Variants in ITGA9 observed in about 807,000 individuals in gnomAD.
ITGA9 encodes the protein integrin subunit alpha 9.
A neutral mutation model predicts 127.8 loss-of-function variants in ITGA9; 56 were observed. That is an observed-to-expected ratio of 0.44 (90% confidence interval 0.35 to 0.55). The LOEUF (loss-of-function observed/expected upper bound fraction) is 0.55, where lower values mean the gene tolerates loss of function less well. Among genes scored for constraint, ITGA9 ranks in the 20% least tolerant of loss-of-function variants. The pLI is 0.00. For synonymous variants in ITGA9, 508 were observed against 514.5 expected, an observed-to-expected ratio of 0.99 and a Z score of 0.17; for missense variants, 1,196 against 1,347.1, an observed-to-expected ratio of 0.89 and a Z score of 1.76.
At chr3:37,589,066 T>C (rs1699787685) in intron 15 of ITGA9, among the ~76,000 whole-genome samples, 1 of 152,234 alleles carries the variant, frequency 6.6e-6, no homozygotes. Context: ...CTTGGTGATT[T>C]TTGTTCAACT....
intron 18 of ITGA9, among the ~76,000 whole-genome samples, chr3:37,686,726 G>C (rs1272720677): frequency 6.6e-6 from 1 of 152,202 alleles, no homozygotes; most frequent in Non-Finnish European, 1.5e-5. Context: ...GAGCAGGGAG[G>C]TATCTTGTAG....
intron 15 of ITGA9, among the ~76,000 whole-genome samples, chr3:37,569,736 T>G (rs1326600244): frequency 1.3e-5 from 2 of 152,234 alleles, no homozygotes; most frequent in African/African-American, 4.8e-5. Flanking sequence ...GAGTCACAGT[T>G]AAAACTTTTA....
At chr3:37,522,165 T>C (rs1699050646) in intron 11 of ITGA9, among the ~76,000 whole-genome samples, 2 of 152,022 alleles carry the variant, frequency 1.3e-5, no homozygotes, top group African/African-American at 2.4e-5. Context: ...CCTGGTTCTA[T>C]TGTACTTTGA....
intron 15 of ITGA9, among the ~76,000 whole-genome samples, chr3:37,551,255 G>A (rs11922780): frequency 0.18 from 27,474 of 151,874 alleles, 3,465 homozygotes; most frequent in African/African-American, 0.36. Flanking sequence ...CCCTCATTCC[G>A]TGCACATTTG....
chr3:37,538,503 TCAGAACTAGCAGCCTCCCAGGGA>T (rs1189523803), intron 14 of ITGA9, among the ~76,000 whole-genome samples: 6 of 152,122 alleles, frequency 3.9e-5, no homozygotes, highest in Non-Finnish European at 8.8e-5. Flanking sequence ...CAGGCCCTAA[TCAGAACTAGCAGCCTCCCAGGGA>T]CAGACAGGGG....
At position 37,465,651 on chromosome 3, in the gene ITGA9, C is replaced by T. The variant is rs138659401; in HGVS notation, c.186-5356C>T. Among the ~76,000 whole-genome samples the T allele has an allele frequency of 4.7e-4, 72 of 152,330 alleles. 1 individual carries two copies. Among genetic ancestry groups the T allele is most frequent in the African/African-American group, 1.6e-3 (67 of 41,574 alleles). ...CTGGTTAACACCATGACAGCAGTGT[C>T]AATGCTTTGGAAAAGCAAGGTGATT... On this transcript the variant is annotated intron_variant, in intron 1 of 27. Transcript: ENST00000264741.
chr3:37,513,827 T>C lies in ITGA9; in HGVS notation c.962T>C (p.Leu321Pro), dbSNP rs763011295. 1 of 1,613,940 alleles carries C rather than the reference T, an allele frequency of 6.2e-7. No individual in the cohort carries two copies. The highest frequency in any genetic ancestry group is 2.2e-5 in the East Asian group (1 of 44,876). ...VDLNGDGLSD[L>P]LVGAPMFSEI... Reference sequence around the variant, plus strand: ...CTGAATGGGGACGGCCTCTCTGACCTGCTGGTGGGGGCCCCCATGTTTTCT... The same window carrying C: ...CTGAATGGGGACGGCCTCTCTGACCCGCTGGTGGGGGCCCCCATGTTTTCT... Residue 321 changes from leucine (L) to proline (P), a missense_variant, in exon 9 of 28, where the codon CTG (leucine) becomes CCG (proline). Leu to Pro is a moderately conservative substitution (Grantham distance 98, BLOSUM62 -3). Transcript: ENST00000264741.
At chr3:37,656,211 T>G (rs1700476343) in intron 17 of ITGA9, among the ~76,000 whole-genome samples, 1 of 152,194 alleles carries the variant, frequency 6.6e-6, no homozygotes, top group Non-Finnish European at 1.5e-5. Context: ...TTAAAGTAGT[T>G]TTTTCTAATT....
intron 14 of ITGA9, among the ~76,000 whole-genome samples, chr3:37,534,068 G>T (rs1699184852): frequency 6.6e-6 from 1 of 152,180 alleles, no homozygotes; most frequent in South Asian, 2.1e-4. Context: ...AAATCAACTT[G>T]CTAGCCCAGC....
chr3:37,681,382 T>C (rs567756053), intron 17 of ITGA9, among the ~76,000 whole-genome samples: 1 of 152,192 alleles, frequency 6.6e-6, no homozygotes, highest in Admixed American at 6.5e-5. Flanking sequence ...TGTGCAACCC[T>C]CAAAATTTGT....
At chr3:37,654,228 A>ACACACACACT (rs1211809525) in intron 17 of ITGA9, among the ~76,000 whole-genome samples, 29 of 148,548 alleles carry the variant, frequency 2.0e-4, no homozygotes, top group African/African-American at 5.4e-4. Flanking sequence ...ACACACACAC[A>ACACACACACT]CACTAGTGTA....
At chr3:37,800,109 C>T (rs1158843861) in intron 26 of ITGA9, among the ~76,000 whole-genome samples, 4 of 152,194 alleles carry the variant, frequency 2.6e-5, no homozygotes, top group African/African-American at 9.7e-5. Flanking sequence ...GGGGAAGTGA[C>T]AGGGCATTCT....
rs143763909 is a variant in ITGA9, at chr3:37,755,998, A to G, written c.2541+5429A>G. 2.7e-3 allele frequency among the ~76,000 whole-genome samples: 412 copies of G among 152,284 alleles called. 3 individuals are homozygous for G. The highest frequency in any genetic ancestry group is 9.3e-3 in the African/African-American group (388 of 41,584). ...AATTTATGAAGAAAAAAATAAATGT[A>G]TAATAAGATGGAAGTAATAAACCTA... On this transcript the variant is annotated intron_variant, in intron 23 of 27. Coordinates refer to ENST00000264741, the MANE Select transcript of ITGA9 (RefSeq NM_002207.3).
At position 37,473,452 on chromosome 3, in the gene ITGA9, C is replaced by T. The variant is rs772274726; in HGVS notation, c.412C>T (p.Arg138Cys). The change falls in exon 3 of 28, where the codon CGT (arginine) becomes TGT (cysteine). Residue 138 changes from arginine to cysteine, a missense_variant. Transcript: ENST00000264741. ...SLARQPKADG[R>C]VLACAHRWKN... ...GGCCCGACAGCCCAAGGCTGATGGC[C>T]GTGTGTTGGTAAGTCCCTCCTGGGG... The T allele has an allele frequency of 3.0e-5, 49 of 1,612,836 alleles. No individual in the cohort carries two copies. The highest frequency in any genetic ancestry group is 1.2e-4 in the South Asian group (11 of 90,998).
chr3:37,722,273 C>G (rs908580696), intron 18 of ITGA9, among the ~76,000 whole-genome samples: 5 of 152,212 alleles, frequency 3.3e-5, no homozygotes, highest in African/African-American at 1.2e-4. Flanking sequence ...TTCAGAATGC[C>G]TCTCACAGGC....
intron 3 of ITGA9, among the ~76,000 whole-genome samples, chr3:37,479,718 A>G (rs891099946): frequency 1.3e-5 from 2 of 152,212 alleles, no homozygotes; most frequent in Non-Finnish European, 2.9e-5. Context: ...TCAGGTAGGA[A>G]TGAGAAGTTT....
chr3:37,731,990 G>A (rs532853117), intron 18 of ITGA9, among the ~76,000 whole-genome samples: 2 of 152,310 alleles, frequency 1.3e-5, no homozygotes, highest in South Asian at 2.1e-4. Context: ...TAAACATACT[G>A]TTTCCGCTTG....
intron 27 of ITGA9, chr3:37,808,153 C>T (rs1697321265): frequency 6.6e-6 from 1 of 152,178 alleles, no homozygotes; most frequent in Non-Finnish European, 1.5e-5. Flanking sequence ...CCCTACACAT[C>T]GTAGGGAGAT....
intron 18 of ITGA9, among the ~76,000 whole-genome samples, chr3:37,696,489 A>G (rs1476478953): frequency 6.6e-6 from 1 of 152,230 alleles, no homozygotes; most frequent in Non-Finnish European, 1.5e-5. Context: ...GTCCTTCAAC[A>G]GAGGTGCCAC....
Sources: allele counts gnomAD v4.1 joint callset (sites outside exome capture counted in the v4.1 genomes callset), GRCh38; gene constraint gnomAD v4.1.1; transcripts MANE v1.5; gene names NCBI Gene and HGNC (gene_info 2026-07-23, HGNC 2026-07-21).